RAD54B: variants seen among roughly 807,000 people sequenced by gnomAD.
RAD54B encodes RAD54 homolog B, also known as DNA repair and recombination protein RAD54B.
A neutral mutation model predicts 95.8 loss-of-function variants in RAD54B; 78 were observed. The ratio of observed to expected loss-of-function variants is 0.81; its 90% CI spans 0.68 to 0.98. The LOEUF (loss-of-function observed/expected upper bound fraction) is 0.98, where lower values mean the gene tolerates loss of function less well. Ranked by LOEUF, RAD54B falls within the 50% of genes least tolerant of loss-of-function variation. The pLI, the probability that RAD54B is intolerant of heterozygous loss-of-function variation, is 0.00. For synonymous variants in RAD54B, 328 were observed against 354.9 expected, an observed-to-expected ratio of 0.92 and a Z score of 0.85; for missense variants, 957 against 1,056.6, an observed-to-expected ratio of 0.91 and a Z score of 1.31.
chr8:94,423,921 A>G (rs1035273003), intron 3 of RAD54B, among the ~76,000 whole-genome samples: 6 of 152,198 alleles, frequency 3.9e-5, no homozygotes, highest in Non-Finnish European at 7.3e-5. Flanking sequence ...CAAGAGAAAA[A>G]CATACTTCCC....
At chr8:94,449,026 GCATATA>G (rs1812588498) in intron 3 of RAD54B, among the ~76,000 whole-genome samples, 1 of 144,052 alleles carries the variant, frequency 6.9e-6, no homozygotes, top group Non-Finnish European at 1.5e-5. Context: ...GTGTGCACAT[GCATATA>G]CATACACACA....
At chr8:94,408,407 T>C (rs1251446479) in intron 4 of RAD54B, among the ~76,000 whole-genome samples, 2 of 152,192 alleles carry the variant, frequency 1.3e-5, no homozygotes, top group African/African-American at 4.8e-5. Flanking sequence ...TAGACTTCCA[T>C]GCTTGTCTAT....
At chr8:94,403,452 G>A (rs760143091) in intron 6 of RAD54B, among the ~76,000 whole-genome samples, 2 of 151,996 alleles carry the variant, frequency 1.3e-5, no homozygotes, top group Non-Finnish European at 2.9e-5. Flanking sequence ...TGAGGTGGGT[G>A]GATCTCTTGA....
At chr8:94,474,977 C>G (rs1813267099) in intron 1 of RAD54B, 24 bp downstream of exon 1, 1 of 152,468 alleles carries the variant, frequency 6.6e-6, no homozygotes, top group African/African-American at 2.4e-5. Context: ...CGCAGCCTCC[C>G]GAGCTTCCCC....
At chr8:94,434,702 ATATAT>A (rs1165918371) in intron 3 of RAD54B, among the ~76,000 whole-genome samples, 3 of 151,650 alleles carry the variant, frequency 2.0e-5, no homozygotes, top group Admixed American at 1.3e-4. Flanking sequence ...CATTAAATAT[ATATAT>A]TAAAGAAATA....
At chr8:94,380,451 C>T in intron 11 of RAD54B, 45 bp from the exon 12 acceptor site, 1 of 1,535,184 alleles carries the variant, frequency 6.5e-7, no homozygotes, top group African/African-American at 1.4e-5. Flanking sequence ...TTAAAGGCAG[C>T]ATTAGATTTT....
chr8:94,413,987 C>G (rs1811592619), intron 3 of RAD54B, among the ~76,000 whole-genome samples: 3 of 151,898 alleles, frequency 2.0e-5, no homozygotes, highest in Admixed American at 6.6e-5. Context: ...AGGCGCCCAC[C>G]ACCATGCTCA....
At chr8:94,449,217 C>T (rs1161870148) in intron 3 of RAD54B, among the ~76,000 whole-genome samples, 1 of 147,312 alleles carries the variant, frequency 6.8e-6, no homozygotes, top group Non-Finnish European at 1.5e-5. Context: ...CACACACAGA[C>T]AACCCTCTAG....
chr8:94,429,174 T>C (rs1812020569), intron 3 of RAD54B: 3 of 901,874 alleles, frequency 3.3e-6, no homozygotes, highest in Middle Eastern at 1.1e-3. Context: ...TCTTATTGTA[T>C]ACAGCCCCTA....
At chr8:94,392,419 A>G (rs955182541) in intron 9 of RAD54B, among the ~76,000 whole-genome samples, 6 of 151,600 alleles carry the variant, frequency 4.0e-5, no homozygotes, top group Non-Finnish European at 7.4e-5. Flanking sequence ...ACACCACTAT[A>G]TCTGGCGAAT....
At chr8:94,415,540 T>C (rs1811642153) in intron 3 of RAD54B, among the ~76,000 whole-genome samples, 1 of 133,350 alleles carries the variant, frequency 7.5e-6, no homozygotes, top group Non-Finnish European at 1.6e-5. Flanking sequence ...ACTAAAGAGC[T>C]TCTGCACAGC....
chr8:94,467,655 C>T (rs1813063137), intron 1 of RAD54B, 100 bp from the exon 2 acceptor site: 1 of 1,208,568 alleles, frequency 8.3e-7, no homozygotes, highest in African/African-American at 1.5e-5. Context: ...GAACAGAAAC[C>T]CCTCTTATGG....
chr8:94,388,415 CTT>C (rs1414194457), intron 10 of RAD54B, among the ~76,000 whole-genome samples: 4 of 152,160 alleles, frequency 2.6e-5, no homozygotes, highest in African/African-American at 7.2e-5. Context: ...TGTGAACTGA[CTT>C]AATGCTACTG....
At chr8:94,438,959 G>A (rs1812334600) in intron 3 of RAD54B, among the ~76,000 whole-genome samples, 1 of 152,142 alleles carries the variant, frequency 6.6e-6, no homozygotes, top group African/African-American at 2.4e-5. Flanking sequence ...AGGTGTGGTG[G>A]CATATGCCTG....
intron 3 of RAD54B, among the ~76,000 whole-genome samples, chr8:94,457,036 A>C (rs1812794333): frequency 6.6e-6 from 1 of 152,224 alleles, no homozygotes; most frequent in Non-Finnish European, 1.5e-5. Flanking sequence ...AGAATGAGAA[A>C]CTATGGTAGA....
intron 3 of RAD54B, among the ~76,000 whole-genome samples, chr8:94,423,284 GA>G (rs1811866722): frequency 6.6e-6 from 1 of 152,142 alleles, no homozygotes; most frequent in South Asian, 2.1e-4. Context: ...TCAGGAAGCT[GA>G]GGCAGGAGAA....
At chr8:94,469,918 CT>C (rs1813125373) in intron 1 of RAD54B, among the ~76,000 whole-genome samples, 2 of 152,194 alleles carry the variant, frequency 1.3e-5, no homozygotes, top group African/African-American at 4.8e-5. Flanking sequence ...TTCACTCAAT[CT>C]TATTTCCACT....
chr8:94,398,274 G>A (rs563950388), intron 8 of RAD54B, among the ~76,000 whole-genome samples: 1 of 152,050 alleles, frequency 6.6e-6, no homozygotes, highest in East Asian at 1.9e-4. Flanking sequence ...TTAAAGCACA[G>A]ATCATTTTAA....
Position 94,390,060 on chromosome 8 carries a change from C to T in RAD54B, c.1809+1549G>A, listed in dbSNP as rs568733062. On this transcript the variant is annotated intron_variant, in intron 10 of 14. Transcript: ENST00000336148. ...AGAATCAGTTTTTTTTAAGTTGCGG[C>T]TGGGCGCAGTGGCTCACACCTGTAA... Among the ~76,000 whole-genome samples the T allele has an allele frequency of 9.7e-4, 148 of 152,118 alleles. 1 individual carries two copies. The highest frequency in any genetic ancestry group is 3.1e-3 in the African/African-American group (127 of 41,510).
Sources: gnomAD v4.1 joint callset for allele counts (sites outside exome capture counted in the v4.1 genomes callset) on GRCh38, gnomAD v4.1.1 for gene constraint, MANE v1.5 for transcripts, NCBI Gene and HGNC (gene_info 2026-07-23, HGNC 2026-07-21) for gene names.